The following GSK3B variants were observed in gnomAD, a reference collection of about 807,000 sequenced individuals.
GSK3B encodes the protein glycogen synthase kinase 3 beta.
GSK3B carries 15 observed loss-of-function variants against 56.4 expected under a neutral mutation model. That is an observed-to-expected ratio of 0.27 (90% CI 0.18 to 0.41). The LOEUF (loss-of-function observed/expected upper bound fraction) is 0.41. GSK3B is among the 10% of genes least tolerant of loss of function. GSK3B has a pLI of 1.00. For missense variants in GSK3B, 300 were observed against 513.4 expected (o/e 0.58, Z 4.02); for synonymous variants, 181 against 188.9 (o/e 0.96, Z 0.34).
intron 1 of GSK3B, among the ~76,000 whole-genome samples, chr3:120,067,342 T>C (rs568989589): frequency 1.3e-5 from 2 of 151,648 alleles, no homozygotes; most frequent in African/African-American, 4.8e-5. Flanking sequence ...GCCCACTAAA[T>C]CCACTGTAAA....
chr3:119,862,465 G>A (rs1391085074), intron 9 of GSK3B, among the ~76,000 whole-genome samples: 1 of 121,654 alleles, frequency 8.2e-6, no homozygotes, highest in African/African-American at 3.1e-5. Flanking sequence ...TATGGCACAT[G>A]TATACATATG....
chr3:119,877,283 A>G (rs6769820), intron 7 of GSK3B, among the ~76,000 whole-genome samples: 2,767 of 152,206 alleles, frequency 0.018, 90 homozygotes, highest in African/African-American at 0.063. Context: ...TGGTATTCAG[A>G]TTGTTTCAGG....
intron 2 of GSK3B, among the ~76,000 whole-genome samples, chr3:119,995,659 C>T (rs192622557): frequency 1.5e-3 from 234 of 151,574 alleles, no homozygotes; most frequent in Middle Eastern, 6.9e-3. Flanking sequence ...CTCCTCACAT[C>T]GTGATCCACC....
intron 3 of GSK3B, among the ~76,000 whole-genome samples, chr3:119,939,531 T>C (rs980448584): frequency 4.6e-5 from 7 of 152,282 alleles, no homozygotes; most frequent in Non-Finnish European, 7.4e-5. Flanking sequence ...ATGACCCATA[T>C]TGTCTCTTCT....
At chr3:119,983,743 C>T (rs1187339034) in intron 2 of GSK3B, among the ~76,000 whole-genome samples, 3 of 152,150 alleles carry the variant, frequency 2.0e-5, no homozygotes, top group Non-Finnish European at 4.4e-5. Context: ...ACTTAGACTC[C>T]TACACAATAA....
chr3:119,828,072 T>C (rs1490015401), intron 10 of GSK3B, among the ~76,000 whole-genome samples: 1 of 152,106 alleles, frequency 6.6e-6, no homozygotes, highest in African/African-American at 2.4e-5. Flanking sequence ...ATATCTCAGG[T>C]AACCCATAAA....
intron 10 of GSK3B, among the ~76,000 whole-genome samples, chr3:119,828,689 A>G (rs1463792916): frequency 6.6e-6 from 1 of 152,246 alleles, no homozygotes. Context: ...AGGGAACTCT[A>G]TGATGGATTA....
intron 1 of GSK3B, among the ~76,000 whole-genome samples, chr3:120,091,376 G>C (rs970786645): frequency 3.3e-5 from 5 of 152,000 alleles, no homozygotes; most frequent in South Asian, 2.1e-4. Context: ...ATTCTAAATT[G>C]ACCTATATGG....
chr3:119,983,277 C>T (rs1313287320), intron 2 of GSK3B, among the ~76,000 whole-genome samples: 1 of 152,162 alleles, frequency 6.6e-6, no homozygotes, highest in Non-Finnish European at 1.5e-5. Flanking sequence ...ACCACTGATG[C>T]TATGAAGAAA....
chr3:119,885,181 T>C (rs1325691318), intron 7 of GSK3B, among the ~76,000 whole-genome samples: 1 of 151,740 alleles, frequency 6.6e-6, no homozygotes, highest in African/African-American at 2.4e-5. Context: ...ATAAGTAGCA[T>C]TTCTATACAC....
rs1156965026 is a variant in GSK3B at position 119,825,335 on chromosome 3, A to G, written c.*1453T>C. ...TTCAATTCTCCTTGCTTTCCAAGGA[A>G]TATTGCTTTTTCTTCAAAAAGAGAG... On this transcript the variant is annotated 3_prime_UTR_variant, in exon 11 of 11. Coordinates refer to ENST00000264235, the MANE Select transcript of GSK3B (RefSeq NM_001146156.2). 1.3e-5 allele frequency: 3 copies of G among 229,344 alleles called. No homozygotes were observed. Among genetic ancestry groups the G allele is most frequent in the African/African-American group, 2.2e-5 (1 of 45,128 alleles). The allele number at this position is 229,344 out of a possible 1,614,324, so 14.2% of individuals were successfully genotyped here.
intron 1 of GSK3B, among the ~76,000 whole-genome samples, chr3:120,055,152 G>A (rs1365643924): frequency 6.6e-6 from 1 of 151,908 alleles, no homozygotes; most frequent in Non-Finnish European, 1.5e-5. Context: ...CAGAACATGT[G>A]TATTTCTCTA....
intron 1 of GSK3B, among the ~76,000 whole-genome samples, chr3:120,062,054 A>T (rs1306967434): frequency 6.6e-6 from 1 of 152,120 alleles, no homozygotes; most frequent in Non-Finnish European, 1.5e-5. Flanking sequence ...ATTATCCTTT[A>T]GCAACATACC....
intron 2 of GSK3B, among the ~76,000 whole-genome samples, chr3:119,960,663 T>C (rs1371991216): frequency 1.3e-5 from 2 of 152,182 alleles, no homozygotes; most frequent in Non-Finnish European, 2.9e-5. Context: ...CTTCAGGTAT[T>C]TCCTCAAATG....
chr3:120,083,395 G>C (rs2058438324), intron 1 of GSK3B, among the ~76,000 whole-genome samples: 1 of 151,862 alleles, frequency 6.6e-6, no homozygotes, highest in African/African-American at 2.4e-5. Flanking sequence ...CCAGGAAAAA[G>C]GACACTCCAG....
rs1263151578 is a variant in GSK3B at position 119,967,447 on chromosome 3, CAGAT to C, written c.283-20100_283-20097del. Among the ~76,000 whole-genome samples the C allele has an allele frequency of 4.6e-5, 7 of 152,172 alleles. No homozygotes were observed. In the East Asian group the frequency reaches 5.8e-4, roughly 13 times the overall value. Reference sequence around the variant, plus strand: ...ATTCATATGGAAATTTGTGTGCACTCAGATAGTCAAAATAATCTTGTAAAGAAGA... The same window carrying C: ...ATTCATATGGAAATTTGTGTGCACTCAGTCAAAATAATCTTGTAAAGAAGA... On this transcript the variant is annotated intron_variant, in intron 2 of 10. Transcript: ENST00000264235.
chr3:119,828,071 G>A (rs1013420220), intron 10 of GSK3B, among the ~76,000 whole-genome samples: 5 of 151,916 alleles, frequency 3.3e-5, no homozygotes, highest in African/African-American at 1.2e-4. Context: ...AATATCTCAG[G>A]TAACCCATAA....
intron 2 of GSK3B, among the ~76,000 whole-genome samples, chr3:119,991,481 G>A (rs2057564685): frequency 8.0e-6 from 1 of 124,654 alleles, no homozygotes; most frequent in African/African-American, 3.1e-5. Context: ...TTTTATCTTT[G>A]ACCATTATCT....
At chr3:120,065,899 T>C (rs6805931) in intron 1 of GSK3B, among the ~76,000 whole-genome samples, 15,896 of 152,066 alleles carry the variant, frequency 0.1, 942 homozygotes, top group African/African-American at 0.17. Flanking sequence ...ATGTCCAGAA[T>C]AAGCAAATCC....
Sources: allele counts gnomAD v4.1 joint callset (sites outside exome capture counted in the v4.1 genomes callset), GRCh38; gene constraint gnomAD v4.1.1; transcripts MANE v1.5; gene names NCBI Gene and HGNC (gene_info 2026-07-23, HGNC 2026-07-21).